Variants in HNRNPL observed in about 807,000 individuals in gnomAD.
HNRNPL encodes the protein heterogeneous nuclear ribonucleoprotein L, also known as epididymis secretory sperm binding protein.
In HNRNPL, 12 loss-of-function variants were observed where a neutral mutation model predicts 64.0. The ratio of observed to expected loss-of-function variants is 0.19; its 90% confidence interval spans 0.12 to 0.30. HNRNPL has a LOEUF of 0.30. HNRNPL is among the 10% of genes least tolerant of loss of function. HNRNPL has a pLI of 1.00. For missense variants in HNRNPL, 484 were observed against 797.4 expected (o/e 0.61, Z 4.73); for synonymous variants, 385 against 313.0 (o/e 1.23, Z -2.43).
intron 10 of HNRNPL, among the ~76,000 whole-genome samples, 163 bp from the exon 11 acceptor site, chr19:38,837,814 C>A (rs750693272): frequency 3.1e-4 from 47 of 152,228 alleles, no homozygotes; most frequent in Non-Finnish European, 5.6e-4. Context: ...ATAAAAAGGC[C>A]AGCAACAATG....
At chr19:38,848,502 G>A (rs1379793518) in intron 1 of HNRNPL, among the ~76,000 whole-genome samples, 2 of 152,218 alleles carry the variant, frequency 1.3e-5, no homozygotes, top group African/African-American at 2.4e-5. Context: ...TGGTCATCAG[G>A]AGAAAGATTA....
intron 12 of HNRNPL, 67 bp downstream of exon 12, chr19:38,837,317 C>T (rs1299814425): frequency 7.9e-7 from 1 of 1,259,208 alleles, no homozygotes; most frequent in Non-Finnish European, 1.2e-6. Context: ...GAAGGACATC[C>T]CTGGCCTGAA....
In HNRNPL at chr19:38,840,291, A is replaced by G. The variant is rs1972068766; in HGVS notation, c.1038T>C (p.Gly346=). ...PPPHYEGRRM[G]PPVGGHRRGP... ...CCCGACGGTGACCCCCCACTGGTGG[A>G]CCCATCCTTCTCCCTTCGTAGTGAG... Residue 346 remains glycine, a synonymous_variant, in exon 8 of 13, where the codon GGT becomes GGC. Coordinates refer to ENST00000221419, the MANE Select transcript of HNRNPL (RefSeq NM_001533.3). The G allele has an allele frequency of 1.3e-6, 2 of 1,571,966 alleles. No individual in the cohort carries two copies. The highest frequency in any genetic ancestry group is 1.7e-6 in the Non-Finnish European group (2 of 1,159,390).
At chr19:38,847,202 G>GA (rs1972329179) in intron 2 of HNRNPL, 114 bp downstream of exon 2, 1 of 531,616 alleles carries the variant, frequency 1.9e-6, no homozygotes, top group South Asian at 4.1e-5. Context: ...AGCGGCCACA[G>GA]AATCTAGACC....
intron 10 of HNRNPL, among the ~76,000 whole-genome samples, chr19:38,838,158 A>G (rs976847980): frequency 1.3e-5 from 2 of 152,220 alleles, no homozygotes; most frequent in African/African-American, 2.4e-5. Flanking sequence ...GCTTGCCAAA[A>G]ATGTAAAAGG....
At chr19:38,848,590 G>A (rs1311715189) in intron 1 of HNRNPL, among the ~76,000 whole-genome samples, 1 of 152,218 alleles carries the variant, frequency 6.6e-6, no homozygotes, top group Non-Finnish European at 1.5e-5. Flanking sequence ...TGGAAGGTGG[G>A]TAGAATTGGA....
In HNRNPL at chr19:38,838,947, C is replaced by T. The variant is rs1972019199; in HGVS notation, c.1302G>A (p.Arg434=). 1.2e-6 allele frequency: 2 copies of T among 1,614,134 alleles called. No homozygotes were observed. Among genetic ancestry groups the T allele is most frequent in the East Asian group, 4.5e-5 (2 of 44,886 alleles). ...VEMADGYAVD[R]AITHLNNNFM... ...AGTTGTTGTTGAGGTGGGTAATGGC[C>T]CGGTCTACAGCGTAGCCATCAGCCA... Residue 434 remains arginine (R), a synonymous_variant, in exon 9 of 13, where the codon CGG becomes CGA. Transcript: ENST00000221419.
In HNRNPL at chr19:38,840,342, A is replaced by T. The variant is rs1972071741; in HGVS notation, c.987T>A (p.His329Gln). The change falls in exon 8 of 13, where the codon CAT becomes CAA. Residue 329 changes from histidine (H) to glutamine (Q), a missense_variant. Coordinates refer to ENST00000221419, the MANE Select transcript of HNRNPL (RefSeq NM_001533.3). ...GTGGGGGGGGCCCGTAGCCCTCATC[A>T]TGGTAATGGCTGTGGTACCCACCGT... ...GPHGGYHSHY[H>Q]DEGYGPPPPH... 5 of 1,549,792 alleles carry T rather than the reference A, an allele frequency of 3.2e-6. No homozygotes were observed. The South Asian group carries it at 6.1e-5, about 19-fold the overall frequency.
At chr19:38,842,674 G>A (rs1034916889) in intron 6 of HNRNPL, among the ~76,000 whole-genome samples, 1 of 151,986 alleles carries the variant, frequency 6.6e-6, no homozygotes, top group East Asian at 1.9e-4. Context: ...AGGCAGAGCC[G>A]CTGAAGTATG....
At chr19:38,838,675 C>CT in intron 9 of HNRNPL, 77 bp from the exon 10 acceptor site, 3 of 1,453,752 alleles carry the variant, frequency 2.1e-6, no homozygotes, top group Non-Finnish European at 1.9e-6. Flanking sequence ...CCTCCAGAGG[C>CT]TTAGCTTGCC....
intron 2 of HNRNPL, among the ~76,000 whole-genome samples, chr19:38,846,834 C>T (rs1191878102): frequency 6.6e-6 from 1 of 152,022 alleles, no homozygotes; most frequent in Admixed American, 6.6e-5. Flanking sequence ...CGTGAACCCA[C>T]GAGACAAAGC....
intron 4 of HNRNPL, 37 bp downstream of exon 4, chr19:38,845,613 C>G: frequency 6.5e-7 from 1 of 1,540,286 alleles, no homozygotes; most frequent in Non-Finnish European, 9.0e-7. Context: ...GCAAGAGTCC[C>G]TACCCTAAGG....
chr19:38,840,430 C>A, intron 7 of HNRNPL, 54 bp from the exon 8 acceptor site: 2 of 1,555,054 alleles, frequency 1.3e-6, no homozygotes, highest in Non-Finnish European at 8.7e-7. Flanking sequence ...GCACGGCGGG[C>A]GGCGGGCAGG....
At chr19:38,851,592 G>T (rs115290465), upstream of HNRNPL, among the ~76,000 whole-genome samples, 2 of 152,198 alleles carry the variant, frequency 1.3e-5, no homozygotes, top group African/African-American at 4.8e-5. Context: ...GTTGAGGTCC[G>T]GGTGGAAACT....
At chr19:38,849,490 C>T (rs945149135) in intron 1 of HNRNPL, 7 of 614,210 alleles carry the variant, frequency 1.1e-5, no homozygotes, top group Non-Finnish European at 1.7e-5. Flanking sequence ...TGCGCTCCCC[C>T]ACACCCCGCT....
At chr19:38,851,562 C>T (rs1972504682), upstream of HNRNPL, among the ~76,000 whole-genome samples, 1 of 152,148 alleles carries the variant, frequency 6.6e-6, no homozygotes, top group Non-Finnish European at 1.5e-5. Flanking sequence ...CCTTTCTGCC[C>T]GGCTGATGGG....
chr19:38,851,750 C>T (rs983132283), upstream of HNRNPL, among the ~76,000 whole-genome samples: 1 of 152,096 alleles, frequency 6.6e-6, no homozygotes, highest in African/African-American at 2.4e-5. Flanking sequence ...GGCGACGGAG[C>T]GAGACCCTAT....
At chr19:38,840,601 G>T in intron 6 of HNRNPL, 42 bp from the exon 7 acceptor site, 1 of 1,496,054 alleles carries the variant, frequency 6.7e-7, no homozygotes, top group Non-Finnish European at 9.1e-7. Context: ...CTCAGAAATT[G>T]GGGTCTCTCC....
chr19:38,846,732 C>T (rs1055370049), intron 2 of HNRNPL, among the ~76,000 whole-genome samples: 4 of 152,144 alleles, frequency 2.6e-5, no homozygotes, highest in African/African-American at 7.2e-5. Flanking sequence ...CACAGCGAAA[C>T]CCCATCTCTA....
Sources: gnomAD v4.1 joint callset for allele counts (sites outside exome capture counted in the v4.1 genomes callset) on GRCh38, gnomAD v4.1.1 for gene constraint, MANE v1.5 for transcripts, NCBI Gene and HGNC (gene_info 2026-07-23, HGNC 2026-07-21) for gene names.